DACH2: variants seen among roughly 807,000 people sequenced by gnomAD.
The protein encoded by DACH2 is dachshund family transcription factor 2, also known as dachshund homolog 2.
A neutral mutation model predicts 35.8 loss-of-function variants in DACH2; 17 were observed. That is an observed-to-expected ratio of 0.48 (90% CI 0.33 to 0.71). The LOEUF is 0.71. DACH2 is among the 30% of genes least tolerant of loss of function. The pLI is 0.02. For missense variants in DACH2, 469 were observed against 472.7 expected (o/e 0.99, Z 0.07); for synonymous variants, 195 against 177.3 (o/e 1.10, Z -0.79).
At chrX:86,500,644 A>G (rs1462753874) in intron 2 of DACH2, among the ~76,000 whole-genome samples, 1 of 111,753 alleles carries the variant, frequency 8.9e-6, no homozygotes, top group African/African-American at 3.3e-5. Context: ...GTGATTAATC[A>G]CCAATTTTAG....
chrX:86,588,047 A>G (rs921545127), intron 3 of DACH2, among the ~76,000 whole-genome samples: 2 of 111,714 alleles, frequency 1.8e-5, no homozygotes, highest in African/African-American at 6.5e-5. Context: ...GGTTTTGTAT[A>G]TGGTAAAAGG....
intron 2 of DACH2, among the ~76,000 whole-genome samples, chrX:86,441,875 A>G (rs906004179): frequency 1.5e-3 from 158 of 104,391 alleles, no homozygotes; most frequent in African/African-American, 5.2e-3. Flanking sequence ...GTGTGTATAT[A>G]TATATATATA....
intron 1 of DACH2, among the ~76,000 whole-genome samples, chrX:86,260,169 G>A (rs180871183): frequency 3.0e-3 from 326 of 110,139 alleles, no homozygotes; most frequent in African/African-American, 9.5e-3. Flanking sequence ...AGTTTAAACC[G>A]GATAAAACTT....
At chrX:86,213,440 G>A (rs1219013094) in intron 1 of DACH2, among the ~76,000 whole-genome samples, 1 of 110,923 alleles carries the variant, frequency 9.0e-6, no homozygotes, top group African/African-American at 3.3e-5. Flanking sequence ...CCTTTAGGGT[G>A]GATTATTTTT....
At chrX:86,694,446 T>C (rs1315493759) in intron 4 of DACH2, among the ~76,000 whole-genome samples, 2 of 112,124 alleles carry the variant, frequency 1.8e-5, no homozygotes, top group East Asian at 2.8e-4. Context: ...TACCTCACTC[T>C]CTAGCATGAA....
intron 2 of DACH2, among the ~76,000 whole-genome samples, chrX:86,477,066 T>G (rs982088432): frequency 9.1e-6 from 1 of 110,248 alleles, no homozygotes; most frequent in Non-Finnish European, 1.9e-5. Flanking sequence ...TGACTTAACA[T>G]ATGGTCTATC....
At chrX:86,805,027 A>G (rs1205532547) in intron 7 of DACH2, among the ~76,000 whole-genome samples, 4 of 112,096 alleles carry the variant, frequency 3.6e-5, no homozygotes, top group African/African-American at 9.7e-5. Flanking sequence ...TCACAGCTCC[A>G]CTACTAGGCA....
intron 6 of DACH2, among the ~76,000 whole-genome samples, chrX:86,723,731 C>G (rs1856835293): frequency 8.9e-6 from 1 of 111,761 alleles, no homozygotes; most frequent in Non-Finnish European, 1.9e-5. Context: ...ATCTTGGAGA[C>G]TGTTCCATGT....
intron 3 of DACH2, among the ~76,000 whole-genome samples, chrX:86,572,164 G>T (rs929609539): frequency 2.7e-5 from 3 of 110,899 alleles, no homozygotes; most frequent in Non-Finnish European, 5.7e-5. Flanking sequence ...AATGGGTGCA[G>T]CACACCAACA....
chrX:86,537,289 A>G (rs966573467), intron 3 of DACH2, among the ~76,000 whole-genome samples: 1 of 111,255 alleles, frequency 9.0e-6, no homozygotes, highest in Admixed American at 9.6e-5. Context: ...GGATTCCCAA[A>G]GTCCCAAGCA....
chrX:86,489,556 C>T (rs1053462822), intron 2 of DACH2, among the ~76,000 whole-genome samples: 10 of 110,650 alleles, frequency 9.0e-5, no homozygotes, highest in Admixed American at 1.9e-4. Context: ...TGAAGTAATG[C>T]GTATGTTAAT....
In DACH2 at chrX:86,193,357, G is replaced by A. The variant is rs139682645; in HGVS notation, c.488+44249G>A. ...TTTTGCATTTCTTAAAGATAAGCAG[G>A]TTTTACTTAAACTGATGCCTCAATG... On this transcript the variant is annotated intron_variant, in intron 1 of 11. Transcript: ENST00000373125. Among the ~76,000 whole-genome samples the A allele has an allele frequency of 5.7e-3, 635 of 111,508 alleles. 3 individuals carry two copies. The highest frequency in any genetic ancestry group is 9.6e-3 in the Non-Finnish European group (507 of 53,043).
chrX:86,504,099 T>C (rs993083725), intron 2 of DACH2, among the ~76,000 whole-genome samples: 4 of 111,514 alleles, frequency 3.6e-5, no homozygotes, highest in African/African-American at 6.5e-5. Context: ...GTTGTTTTTT[T>C]TTCCTTTTGT....
At chrX:86,556,402 G>A (rs147424779) in intron 3 of DACH2, among the ~76,000 whole-genome samples, 73 of 108,620 alleles carry the variant, frequency 6.7e-4, no homozygotes, top group African/African-American at 2.2e-3. Context: ...GCTCCTAGAC[G>A]TCACACTGCT....
At chrX:86,492,053 G>T (rs1181167517) in intron 2 of DACH2, among the ~76,000 whole-genome samples, 1 of 111,225 alleles carries the variant, frequency 9.0e-6, no homozygotes, top group Non-Finnish European at 1.9e-5. Flanking sequence ...ATATAAGTTT[G>T]ACTATTTTAG....
intron 1 of DACH2, among the ~76,000 whole-genome samples, chrX:86,174,119 GT>G (rs140747201): frequency 0.057 from 4,088 of 71,681 alleles, 250 homozygotes; most frequent in African/African-American, 0.18. Flanking sequence ...GAGTACAGTT[GT>G]TTTTTTTTTT....
chrX:86,556,198 A>G (rs183984174), intron 3 of DACH2, among the ~76,000 whole-genome samples: 12 of 111,367 alleles, frequency 1.1e-4, no homozygotes, highest in Non-Finnish European at 1.7e-4. Flanking sequence ...TGTTTTTCAT[A>G]CAAGGAAGCC....
intron 2 of DACH2, among the ~76,000 whole-genome samples, chrX:86,389,361 C>T (rs1293189857): frequency 2.7e-5 from 3 of 112,310 alleles, no homozygotes; most frequent in African/African-American, 6.5e-5. Context: ...TTGCACTTTA[C>T]AAATTTATTG....
intron 2 of DACH2, among the ~76,000 whole-genome samples, chrX:86,457,908 G>T (rs1327368838): frequency 8.9e-6 from 1 of 112,050 alleles, no homozygotes; most frequent in Non-Finnish European, 1.9e-5. Flanking sequence ...TTTTACTCAT[G>T]TGTATTTGCT....
Sources: gnomAD v4.1 joint callset for allele counts (sites outside exome capture counted in the v4.1 genomes callset) on GRCh38, gnomAD v4.1.1 for gene constraint, MANE v1.5 for transcripts, NCBI Gene and HGNC (gene_info 2026-07-23, HGNC 2026-07-21) for gene names.